SRD5A3: variants seen among roughly 807,000 people sequenced by gnomAD.
SRD5A3 encodes steroid 5 alpha-reductase 3, also known as polyprenal reductase.
Under a neutral mutation model 34.3 loss-of-function variants are expected in SRD5A3, and 24 were observed. The observed-to-expected ratio is 0.70, with a 90% CI of 0.51 to 0.99. The LOEUF (loss-of-function observed/expected upper bound fraction) is 0.99, where lower values mean the gene tolerates loss of function less well. Among genes scored for constraint, SRD5A3 ranks in the 50% least tolerant of loss-of-function variants. SRD5A3 has a pLI of 0.00. For missense variants in SRD5A3, 350 were observed against 388.2 expected (o/e 0.90, Z 0.83); for synonymous variants, 161 against 167.3 (o/e 0.96, Z 0.29).
At chr4:55,348,064 C>G (rs1452575385) in intron 1 of SRD5A3, among the ~76,000 whole-genome samples, 1 of 152,196 alleles carries the variant, frequency 6.6e-6, no homozygotes, top group Non-Finnish European at 1.5e-5. Context: ...GCTGTTGCAA[C>G]TCAAGTCTGT....
Position 55,370,400 on chromosome 4 carries a change from TAACCGAAA to T in SRD5A3, c.*319_*326del, listed in dbSNP as rs375142797. ...TCTCCAAGCTGCTTCACAAGCAAAC[TAACCGAAA>T]AACCGAAAATATACAAACAGCTTCA... is the stretch of plus-strand genomic sequence containing the variant. On this transcript the variant is annotated 3_prime_UTR_variant, in exon 5 of 5. Coordinates refer to ENST00000264228, the MANE Select transcript of SRD5A3 (RefSeq NM_024592.5). 105,162 of 378,140 alleles carry T rather than the reference TAACCGAAA, an allele frequency of 0.28. 16,553 individuals carry two copies. Among genetic ancestry groups the T allele is most frequent in the South Asian group, 0.39 (15,721 of 40,336 alleles). 23.4% of individuals were successfully genotyped at this position (378,140 alleles called of 1,614,324 possible).
chr4:55,367,442 T>A, intron 3 of SRD5A3, 146 bp from the exon 4 acceptor site: 1 of 905,478 alleles, frequency 1.1e-6, no homozygotes, highest in Non-Finnish European at 1.7e-6. Flanking sequence ...GAGGAACAGG[T>A]TCCCCTCTTT....
intron 1 of SRD5A3, among the ~76,000 whole-genome samples, chr4:55,347,947 T>C (rs535280011): frequency 6.6e-4 from 100 of 152,330 alleles, no homozygotes; most frequent in African/African-American, 2.3e-3. Context: ...TGAATCCTTT[T>C]ATACTTCACA....
At chr4:55,366,603 G>C (rs1719907749) in intron 3 of SRD5A3, 1 of 152,224 alleles carries the variant, frequency 6.6e-6, no homozygotes, top group South Asian at 2.1e-4. Context: ...TAGACCGGTG[G>C]ATTTTCATCA....
At chr4:55,354,065 G>A (rs143237063) in intron 1 of SRD5A3, among the ~76,000 whole-genome samples, 3 of 152,234 alleles carry the variant, frequency 2.0e-5, no homozygotes, top group East Asian at 3.9e-4. Context: ...AACACCTGGG[G>A]CCTGGAGTCT....
At chr4:55,360,903 T>A (rs1341459925) in intron 2 of SRD5A3, among the ~76,000 whole-genome samples, 1 of 152,084 alleles carries the variant, frequency 6.6e-6, no homozygotes, top group Non-Finnish European at 1.5e-5. Flanking sequence ...TTGGTCAGGC[T>A]GGTCTCGAAT....
intron 1 of SRD5A3, among the ~76,000 whole-genome samples, chr4:55,355,739 A>G (rs1391534578): frequency 6.6e-6 from 1 of 152,242 alleles, no homozygotes; most frequent in African/African-American, 2.4e-5. Context: ...CTTCACAGTC[A>G]GCAGGGCTGT....
rs1406594168 is a variant in SRD5A3 at position 55,346,449 on chromosome 4, G to C, written c.113G>C (p.Gly38Ala). ...LTLLLQLLPP[G>A]LLPGCAIFQD... ...CTACTGCTGCAGCTCCTGCCGCCCG[G>C]CCTGCTCCCGGGCTGCGCGATCTTC... The change falls in exon 1 of 5, where the codon GGC becomes GCC. Residue 38 changes from glycine (G) to alanine (A), a missense_variant. By Grantham distance (60) the Gly-to-Ala change is moderately conservative. Coordinates refer to ENST00000264228, the MANE Select transcript of SRD5A3 (RefSeq NM_024592.5). The C allele has an allele frequency of 3.7e-6, 6 of 1,606,796 alleles. No individual in the cohort carries two copies. The South Asian group carries it at 5.5e-5, about 15-fold the overall frequency.
At chr4:55,358,075 AC>A (rs1002202346) in intron 1 of SRD5A3, among the ~76,000 whole-genome samples, 1 of 152,186 alleles carries the variant, frequency 6.6e-6, no homozygotes, top group African/African-American at 2.4e-5. Context: ...TTTTATTGTC[AC>A]AGACTAATGA....
At position 55,364,212 on chromosome 4, in the gene SRD5A3, T is replaced by G; in HGVS notation, c.503T>G (p.Val168Gly). 1 of 1,614,108 alleles carries G rather than the reference T, an allele frequency of 6.2e-7. No homozygotes were observed. Residue 168 changes from valine (V) to glycine (G), a missense_variant, in exon 3 of 5, where the codon GTC becomes GGC. Transcript: ENST00000264228. The stretch of plus-strand genomic sequence containing the variant: ...GTCGTGCAGTACTGTTTTGGACTTG[T>G]CTATTATGTCCTTGTTGGCCTAACT... ...IHVVQYCFGL[V>G]YYVLVGLTVL...
chr4:55,369,231 C>G (rs1181970437), intron 4 of SRD5A3, among the ~76,000 whole-genome samples: 1 of 152,098 alleles, frequency 6.6e-6, no homozygotes, highest in Non-Finnish European at 1.5e-5. Flanking sequence ...AGTGGGAGAG[C>G]CAGGATTTAA....
At chr4:55,350,183 G>A (rs149458035) in intron 1 of SRD5A3, among the ~76,000 whole-genome samples, 53 of 152,042 alleles carry the variant, frequency 3.5e-4, no homozygotes, top group African/African-American at 1.1e-3. Context: ...CAGCCTGGCC[G>A]AAATGGTGAA....
intron 3 of SRD5A3, chr4:55,364,891 G>GA (rs1719828290): frequency 6.5e-6 from 1 of 153,902 alleles, no homozygotes; most frequent in African/African-American, 2.4e-5. Context: ...CTGTGGTAGT[G>GA]AAAATTGTGT....
In SRD5A3 at chr4:55,372,779, T is replaced by G. The variant is rs1468610469; in HGVS notation, c.*2688T>G. On this transcript the variant is annotated 3_prime_UTR_variant, in exon 5 of 5. Coordinates refer to ENST00000264228, the MANE Select transcript of SRD5A3 (RefSeq NM_024592.5). ...ACCTCATTAGCAGCCTTCCCTTGAT[T>G]AACTACTGACTAAAAGTGTGCTGAA... 1 of 152,180 alleles carries G rather than the reference T, an allele frequency of 6.6e-6. No homozygotes were observed. Among genetic ancestry groups the G allele is most frequent in the Non-Finnish European group, 1.5e-5 (1 of 68,032 alleles). The allele number at this position is 152,180 out of a possible 1,614,324, so 9.4% of individuals were successfully genotyped here. A position where few individuals can be genotyped will look rare whatever the true frequency, so the allele number is the denominator to read the frequency against.
intron 1 of SRD5A3, among the ~76,000 whole-genome samples, chr4:55,355,637 G>A (rs1362763517): frequency 1.3e-5 from 2 of 152,114 alleles, no homozygotes; most frequent in Admixed American, 1.3e-4. Context: ...CTTGACTTTA[G>A]GCTTGATATA....
In SRD5A3 at chr4:55,363,698, G is replaced by A. The variant is rs373158584; in HGVS notation, c.365-376G>A. Among the ~76,000 whole-genome samples the A allele has an allele frequency of 2.6e-3, 391 of 152,260 alleles. 1 individual carries two copies. Among genetic ancestry groups the A allele is most frequent in the African/African-American group, 9.1e-3 (379 of 41,546 alleles). On this transcript the variant is annotated intron_variant, in intron 2 of 4. Coordinates refer to ENST00000264228, the MANE Select transcript of SRD5A3 (RefSeq NM_024592.5). ...CCTCTGTGATGCCTGAGATACTGGGGATCCCACAGCTGGGGCCACTCAGAG... is the reference window on the plus strand; with the variant it reads ...CCTCTGTGATGCCTGAGATACTGGGAATCCCACAGCTGGGGCCACTCAGAG...
Position 55,359,459 on chromosome 4 carries a change from T to C in SRD5A3, c.335T>C (p.Leu112Pro), listed in dbSNP as rs766710676. 3.1e-6 allele frequency: 5 copies of C among 1,613,928 alleles called. No individual in the cohort carries two copies. Among genetic ancestry groups the C allele is most frequent in the Non-Finnish European group, 4.2e-6 (5 of 1,180,024 alleles). ...TTTCCAAGCTGGCTTCATGGTTTGC[T>C]CAGAATTCTCGGGGCGGCACAGTTC... is the stretch of plus-strand genomic sequence containing the variant. ...APFPSWLHGL[L>P]RILGAAQFQG... The change falls in exon 2 of 5, where the codon CTC becomes CCC. Residue 112 changes from leucine to proline, a missense_variant. By Grantham distance (98) the Leu-to-Pro change is moderately conservative. Coordinates refer to ENST00000264228, the MANE Select transcript of SRD5A3 (RefSeq NM_024592.5).
intron 2 of SRD5A3, among the ~76,000 whole-genome samples, chr4:55,362,130 TC>T (rs1459584742): frequency 1.5e-4 from 23 of 150,678 alleles, no homozygotes; most frequent in African/African-American, 5.0e-4. Context: ...TTCTGTTTCT[TC>T]TTTTTTTTTT....
intron 3 of SRD5A3, chr4:55,366,746 C>T (rs1030897933): frequency 6.6e-6 from 1 of 152,250 alleles, no homozygotes; most frequent in African/African-American, 2.4e-5. Context: ...TGCCCATTAT[C>T]AGTGGATACA....
Sources: gnomAD v4.1 joint callset for allele counts (sites outside exome capture counted in the v4.1 genomes callset) on GRCh38, gnomAD v4.1.1 for gene constraint, MANE v1.5 for transcripts, NCBI Gene and HGNC (gene_info 2026-07-23, HGNC 2026-07-21) for gene names.